Variants in ARMC9 observed in about 807,000 individuals in gnomAD.
ARMC9 encodes lisH domain-containing protein ARMC9.
A neutral mutation model predicts 107.0 loss-of-function variants in ARMC9; 94 were observed. The observed-to-expected ratio is 0.88, with a 90% confidence interval of 0.74 to 1.04. ARMC9 has a LOEUF of 1.04. ARMC9 is among the 50% of genes least tolerant of loss of function. The pLI is 0.00. For missense variants in ARMC9, 942 were observed against 1,030.1 expected, an observed-to-expected ratio of 0.91 and a Z score of 1.17; for synonymous variants, 380 against 396.9, an observed-to-expected ratio of 0.96 and a Z score of 0.51.
intron 19 of ARMC9, among the ~76,000 whole-genome samples, chr2:231,299,003 T>C (rs1041720784): frequency 1.3e-5 from 2 of 152,164 alleles, no homozygotes; most frequent in African/African-American, 4.8e-5. Flanking sequence ...CTAAATCACA[T>C]TGAGCTGAAA....
At chr2:231,361,066 C>T (rs1437329774) in intron 23 of ARMC9, among the ~76,000 whole-genome samples, 183 bp downstream of exon 23, 7 of 152,218 alleles carry the variant, frequency 4.6e-5, no homozygotes, top group African/African-American at 7.2e-5. Context: ...CTGACCACCT[C>T]GGAGGGCTGT....
chr2:231,242,398 A>G (rs1210367436), intron 9 of ARMC9, among the ~76,000 whole-genome samples: 2 of 152,220 alleles, frequency 1.3e-5, no homozygotes, highest in Non-Finnish European at 2.9e-5. Flanking sequence ...TCTTTGGGAC[A>G]TGGCCACAGT....
At chr2:231,288,132 A>T (rs932726793) in intron 17 of ARMC9, among the ~76,000 whole-genome samples, 9 of 152,306 alleles carry the variant, frequency 5.9e-5, no homozygotes, top group African/African-American at 2.2e-4. Flanking sequence ...TATTTAGAAG[A>T]TTGCCTAGCG....
At chr2:231,248,667 C>A (rs559676783) in intron 9 of ARMC9, among the ~76,000 whole-genome samples, 1 of 151,852 alleles carries the variant, frequency 6.6e-6, no homozygotes, top group African/African-American at 2.4e-5. Context: ...ATTAGCCAGG[C>A]GTGGTGGCGC....
intron 20 of ARMC9, among the ~76,000 whole-genome samples, chr2:231,332,346 G>A (rs961611171): frequency 6.6e-6 from 1 of 152,148 alleles, no homozygotes; most frequent in Non-Finnish European, 1.5e-5. Context: ...GCTGAGCAAG[G>A]AGGGGCATTC....
Position 231,282,088 on chromosome 2 carries a change from C to G in ARMC9, c.1581C>G (p.Tyr527Ter). Residue 527 changes from tyrosine to a stop codon, truncating the protein, a stop_gained, in exon 17 of 25, where the codon TAC becomes TAG. Transcript: ENST00000611582. LOFTEE classifies it high-confidence loss of function. The stretch of plus-strand genomic sequence containing the variant: ...AGCCGTATGTGAATGGAGCTCTGTA[C>G]AGCATCCTTTCTGTTCCATCCATTC... Reference protein sequence around the residue: ...EIQPYVNGALYSILSVPSIRE... With the variant: ...EIQPYVNGAL 3 of 1,614,104 alleles carry G rather than the reference C, an allele frequency of 1.9e-6. No homozygotes were observed.
intron 21 of ARMC9, among the ~76,000 whole-genome samples, chr2:231,354,018 A>G (rs1000304221): frequency 6.7e-6 from 1 of 148,896 alleles, no homozygotes; most frequent in Non-Finnish European, 1.5e-5. Context: ...CACACACACC[A>G]TATATAGATA....
chr2:231,281,978 G>A, intron 16 of ARMC9, 81 bp from the exon 17 acceptor site: 3 of 1,358,198 alleles, frequency 2.2e-6, no homozygotes, highest in Non-Finnish European at 3.2e-6. Flanking sequence ...TTGCCAGATT[G>A]TTCTGAGGTG....
intron 19 of ARMC9, among the ~76,000 whole-genome samples, chr2:231,313,563 A>G (rs1281039536): frequency 6.6e-6 from 1 of 152,120 alleles, no homozygotes; most frequent in African/African-American, 2.4e-5. Flanking sequence ...GAGTTGTGCT[A>G]CCATCCCCAC....
chr2:231,216,199 C>T (rs1243853806), intron 4 of ARMC9, among the ~76,000 whole-genome samples: 1 of 152,144 alleles, frequency 6.6e-6, no homozygotes, highest in Non-Finnish European at 1.5e-5. Flanking sequence ...TAAAGAAATG[C>T]CTGTTAATCT....
At chr2:231,233,526 C>G (rs1243139251) in intron 7 of ARMC9, among the ~76,000 whole-genome samples, 1 of 152,084 alleles carries the variant, frequency 6.6e-6, no homozygotes, top group Non-Finnish European at 1.5e-5. Context: ...CCTGTAATCC[C>G]AGCACTTTGG....
In ARMC9 at chr2:231,282,126, G is replaced by T; in HGVS notation, c.1619G>T (p.Arg540Ile). The stretch of plus-strand genomic sequence containing the variant: ...GTTCCATCCATTCGTGAGGAAGCAA[G>T]AGCAATGGTAAGAAAGCGTGCCTGA... ...LSVPSIREEA[R>I]AMGMEDILRC... The change falls in exon 17 of 25, where the codon AGA becomes ATA. Residue 540 changes from arginine (R) to isoleucine (I), a missense_variant. By Grantham distance (97) the Arg-to-Ile change is moderately conservative (BLOSUM62 -3). Transcript: ENST00000611582. 4.3e-6 allele frequency: 7 copies of T among 1,614,132 alleles called. No homozygotes were observed. The highest frequency in any genetic ancestry group is 5.9e-6 in the Non-Finnish European group (7 of 1,179,988).
At chr2:231,339,347 A>G (rs987474299) in intron 20 of ARMC9, among the ~76,000 whole-genome samples, 3 of 151,938 alleles carry the variant, frequency 2.0e-5, no homozygotes, top group East Asian at 1.9e-4. Flanking sequence ...AAAAAAAATT[A>G]TATGTATTTT....
chr2:231,282,411 G>A (rs1463401119), intron 17 of ARMC9, among the ~76,000 whole-genome samples: 1 of 152,178 alleles, frequency 6.6e-6, no homozygotes, highest in Non-Finnish European at 1.5e-5. Flanking sequence ...ACATTCTGAT[G>A]GCAACCAAAT....
At chr2:231,261,072 G>C (rs2038295288) in intron 11 of ARMC9, among the ~76,000 whole-genome samples, 1 of 152,190 alleles carries the variant, frequency 6.6e-6, no homozygotes, top group Non-Finnish European at 1.5e-5. Flanking sequence ...GGCGTCTGAT[G>C]CTCTGGCCTG....
chr2:231,272,191 T>G (rs1485653496), intron 13 of ARMC9, among the ~76,000 whole-genome samples: 1 of 143,978 alleles, frequency 6.9e-6, no homozygotes, highest in Non-Finnish European at 1.5e-5. Flanking sequence ...TGTTTGGTTT[T>G]TTTTTTTTTT....
chr2:231,277,293 T>C (rs1262280885), intron 15 of ARMC9, among the ~76,000 whole-genome samples: 2 of 152,172 alleles, frequency 1.3e-5, no homozygotes, highest in African/African-American at 4.8e-5. Context: ...CTTTTCCAGG[T>C]ACAGGTACTA....
chr2:231,253,242 T>A (rs2037465129), intron 9 of ARMC9, among the ~76,000 whole-genome samples: 1 of 152,064 alleles, frequency 6.6e-6, no homozygotes, highest in African/African-American at 2.4e-5. Flanking sequence ...GCCTCCTGAG[T>A]AGCTGGGACT....
intron 17 of ARMC9, among the ~76,000 whole-genome samples, chr2:231,287,794 C>T (rs1474069330): frequency 2.0e-5 from 3 of 152,040 alleles, no homozygotes; most frequent in Non-Finnish European, 4.4e-5. Context: ...TATTCTTGGC[C>T]CCATAATTCT....
Sources: gnomAD v4.1 joint callset for allele counts (sites outside exome capture counted in the v4.1 genomes callset) on GRCh38, gnomAD v4.1.1 for gene constraint, MANE v1.5 for transcripts, NCBI Gene and HGNC (gene_info 2026-07-23, HGNC 2026-07-21) for gene names.